Variants in PTCHD4 observed in about 807,000 individuals in gnomAD.
The protein encoded by PTCHD4 is patched domain-containing protein 4.
A neutral mutation model predicts 58.1 loss-of-function variants in PTCHD4; 33 were observed. That is an observed-to-expected ratio of 0.57 (90% CI 0.43 to 0.76). The LOEUF (loss-of-function observed/expected upper bound fraction) is 0.76, where lower values mean the gene tolerates loss of function less well. Ranked by LOEUF, PTCHD4 falls within the 30% of genes least tolerant of loss-of-function variation. PTCHD4 has a pLI of 0.00. For synonymous variants in PTCHD4, 478 were observed against 409.6 expected (o/e 1.17, Z -2.02); for missense variants, 1,058 against 1,027.1 (o/e 1.03, Z -0.41).
In PTCHD4 at chr6:48,086,027, A is replaced by T. The variant is rs181545647; in HGVS notation, c.-969-16101T>A. ...TTTGACATGACCTGTAACAATAATT[A>T]AAAAAAAAAGTGGTACAGCAATATT... On this transcript the variant is annotated intron_variant, in intron 1 of 4. Coordinates refer to ENST00000339488, the MANE Select transcript of PTCHD4 (RefSeq NM_001384253.1). Among the ~76,000 whole-genome samples the T allele has an allele frequency of 9.1e-4, 135 of 147,780 alleles. 1 individual carries two copies. The highest frequency in any genetic ancestry group is 3.0e-3 in the African/African-American group (119 of 39,946).
intron 3 of PTCHD4, among the ~76,000 whole-genome samples, chr6:48,050,653 T>C (rs1446501941): frequency 6.6e-6 from 1 of 152,032 alleles, no homozygotes; most frequent in African/African-American, 2.4e-5. Flanking sequence ...CTGTTCCAAA[T>C]GACATGGAGC....
intron 4 of PTCHD4, chr6:47,890,810 C>G: frequency 2.7e-6 from 2 of 747,966 alleles, no homozygotes; most frequent in Non-Finnish European, 3.3e-6. Context: ...CCAGCACACA[C>G]AGGATGGCTT....
At chr6:48,006,886 A>G (rs951242752) in intron 4 of PTCHD4, among the ~76,000 whole-genome samples, 1 of 152,202 alleles carries the variant, frequency 6.6e-6, no homozygotes, top group African/African-American at 2.4e-5. Context: ...TTTCAAACCT[A>G]GTTTTTGAAA....
At chr6:47,969,139 A>C (rs1388108911) in intron 4 of PTCHD4, among the ~76,000 whole-genome samples, 4 of 152,234 alleles carry the variant, frequency 2.6e-5, no homozygotes, top group African/African-American at 9.6e-5. Context: ...CAGAGAAAGG[A>C]CTACAACTTA....
intron 1 of PTCHD4, among the ~76,000 whole-genome samples, chr6:48,093,894 C>T (rs994294949): frequency 6.6e-6 from 1 of 152,132 alleles, no homozygotes; most frequent in African/African-American, 2.4e-5. Context: ...TATTGACCAT[C>T]CCATGAGGGC....
rs1489214381 is a variant in PTCHD4, at chr6:47,866,574, A to T, written c.*11729T>A. Among the ~76,000 whole-genome samples, 2 of 151,836 alleles carry T rather than the reference A, an allele frequency of 1.3e-5. No individual in the cohort carries two copies. The highest frequency in any genetic ancestry group is 4.8e-5 in the African/African-American group (2 of 41,394). On this transcript the variant is annotated 3_prime_UTR_variant, in exon 5 of 5. Transcript: ENST00000339488. ...TGTCCTCCTCGTGAACCAGTTGGAAAATGGGGCCTCCCCAGGCCAACTCCA... is the reference window on the plus strand; with the variant it reads ...TGTCCTCCTCGTGAACCAGTTGGAATATGGGGCCTCCCCAGGCCAACTCCA...
At chr6:48,079,970 ATTTTTTTT>A (rs141629864) in intron 1 of PTCHD4, among the ~76,000 whole-genome samples, 80 of 76,142 alleles carry the variant, frequency 1.1e-3, no homozygotes, top group African/African-American at 3.6e-3. Flanking sequence ...CCTTATGATG[ATTTTTTTT>A]TTTTTTTTTT....
At position 47,933,400 on chromosome 6, in the gene PTCHD4, G is replaced by T. The variant is rs187201547; in HGVS notation, c.899-53464C>A. ...AGAGTTCTGTGTCCACGAAGATGCA[G>T]GTAGCTCTTCAAGGGCCCACATTTT... is the stretch of plus-strand genomic sequence containing the variant. On this transcript the variant is annotated intron_variant, in intron 4 of 4. Transcript: ENST00000339488. Among the ~76,000 whole-genome samples, 128 of 152,322 alleles carry T rather than the reference G, an allele frequency of 8.4e-4. 2 individuals are homozygous for T. The highest frequency in any genetic ancestry group is 3.0e-3 in the African/African-American group (125 of 41,570).
chr6:47,983,896 A>C (rs1217538103), intron 4 of PTCHD4, among the ~76,000 whole-genome samples: 9 of 152,182 alleles, frequency 5.9e-5, no homozygotes, highest in African/African-American at 2.2e-4. Flanking sequence ...ATTTAACCCA[A>C]TCTTATGTAA....
chr6:47,877,433 G>C lies in PTCHD4; in HGVS notation c.*870C>G, dbSNP rs1003402062. Among the ~76,000 whole-genome samples, 3 of 152,012 alleles carry C rather than the reference G, an allele frequency of 2.0e-5. No individual in the cohort carries two copies. Among genetic ancestry groups the C allele is most frequent in the African/African-American group, 4.8e-5 (2 of 41,420 alleles). On this transcript the variant is annotated 3_prime_UTR_variant, in exon 5 of 5. Coordinates refer to ENST00000339488, the MANE Select transcript of PTCHD4 (RefSeq NM_001384253.1). ...AAGCCAACGAAAATCCATATCAACT[G>C]TTTATTTCTAATATGAAACAGTAAA...
At chr6:48,008,527 G>C in intron 4 of PTCHD4, 107 bp downstream of exon 4, 3 of 1,277,070 alleles carry the variant, frequency 2.3e-6, no homozygotes, top group Non-Finnish European at 3.2e-6. Flanking sequence ...TAATGACATA[G>C]ACACCCCAAT....
At chr6:47,985,898 A>T (rs979636340) in intron 4 of PTCHD4, among the ~76,000 whole-genome samples, 61 of 152,132 alleles carry the variant, frequency 4.0e-4, no homozygotes, top group African/African-American at 1.4e-3. Flanking sequence ...ATTTTTGAAT[A>T]GAGACCAAAG....
intron 3 of PTCHD4, among the ~76,000 whole-genome samples, chr6:48,016,099 T>C (rs1762858536): frequency 6.6e-6 from 1 of 151,946 alleles, no homozygotes; most frequent in South Asian, 2.1e-4. Context: ...ATGTTTCTTT[T>C]TCATTTTTGC....
At chr6:47,943,348 TAAG>T (rs1337942028) in intron 4 of PTCHD4, among the ~76,000 whole-genome samples, 2 of 152,254 alleles carry the variant, frequency 1.3e-5, no homozygotes, top group East Asian at 3.9e-4. Flanking sequence ...TGTGTTTTCC[TAAG>T]AATACCCTTA....
rs181953299 is a variant in PTCHD4 at position 48,008,647 on chromosome 6, C to T, written c.885G>A (p.Pro295=). 7.9e-5 allele frequency: 127 copies of T among 1,612,644 alleles called. 1 individual carries two copies. The Middle Eastern group carries it at 3.0e-3, about 38-fold the overall frequency. Residue 295 remains proline, a synonymous_variant, in exon 4 of 5, where the codon CCG becomes CCA. Transcript: ENST00000339488. Reference sequence around the variant, plus strand: ...ATGGATAGTTACCCATGGCGAAGAACGGGATTCCCAGCAGGGTGGAGTTGT... The same window carrying T: ...ATGGATAGTTACCCATGGCGAAGAATGGGATTCCCAGCAGGGTGGAGTTGT... ...GKYNSTLLGI[P]FFAMGHGTKG... is the part of the protein sequence containing the mutation.
intron 4 of PTCHD4, among the ~76,000 whole-genome samples, chr6:47,944,194 C>T (rs1766335871): frequency 6.6e-6 from 1 of 152,048 alleles, no homozygotes; most frequent in Non-Finnish European, 1.5e-5. Flanking sequence ...AAACACACTG[C>T]ACAATGGTTT....
At chr6:47,987,533 A>G (rs916629512) in intron 4 of PTCHD4, among the ~76,000 whole-genome samples, 1 of 152,106 alleles carries the variant, frequency 6.6e-6, no homozygotes, top group African/African-American at 2.4e-5. Context: ...GTTAAAAAAA[A>G]TGCTAAATGC....
At position 47,857,185 on chromosome 6, in the gene PTCHD4, G is replaced by A. The variant is rs1488646865; in HGVS notation, c.*21118C>T. On this transcript the variant is annotated 3_prime_UTR_variant, in exon 5 of 5. Transcript: ENST00000339488. ...AATCACTGTTTCTTTCCTTTCAACA[G>A]TTTTGTCCCAAAGTGCTGCTAACTG... Among the ~76,000 whole-genome samples the A allele has an allele frequency of 2.0e-5, 3 of 151,984 alleles. No homozygotes were observed. Among genetic ancestry groups the A allele is most frequent in the Non-Finnish European group, 4.4e-5 (3 of 67,956 alleles).
intron 4 of PTCHD4, among the ~76,000 whole-genome samples, chr6:47,961,790 C>T (rs1458009230): frequency 6.6e-6 from 1 of 152,058 alleles, no homozygotes; most frequent in Non-Finnish European, 1.5e-5. Context: ...AAATTTACTG[C>T]ACTAAACACC....
Sources: allele counts gnomAD v4.1 joint callset (sites outside exome capture counted in the v4.1 genomes callset), GRCh38; gene constraint gnomAD v4.1.1; transcripts MANE v1.5; gene names NCBI Gene and HGNC (gene_info 2026-07-23, HGNC 2026-07-21).